FFAR4: variants seen among roughly 807,000 people sequenced by gnomAD.
FFAR4 encodes the protein G-protein coupled receptor 120.
Under a neutral mutation model 27.0 loss-of-function variants are expected in FFAR4, and 19 were observed. That is an observed-to-expected ratio of 0.70 (90% CI 0.49 to 1.03). The LOEUF is 1.03. Among genes scored for constraint, FFAR4 ranks in the 50% least tolerant of loss-of-function variants. The probability of loss-of-function intolerance (pLI) is 0.00; values close to 1 mark genes in which losing one functional copy is unlikely to be tolerated. For missense variants in FFAR4, 476 were observed against 479.0 expected (o/e 0.99, Z 0.06); for synonymous variants, 254 against 215.6 (o/e 1.18, Z -1.56).
chr10:93,575,808 A>G (rs1052620522), intron 1 of FFAR4, among the ~76,000 whole-genome samples: 2 of 152,142 alleles, frequency 1.3e-5, no homozygotes, highest in Non-Finnish European at 2.9e-5. Context: ...GAAAGACCAC[A>G]CCTAGGAACC....
At chr10:93,586,414 A>G (rs953887836) in intron 2 of FFAR4, among the ~76,000 whole-genome samples, 2 of 152,164 alleles carry the variant, frequency 1.3e-5, no homozygotes, top group Non-Finnish European at 1.5e-5. Context: ...TCTTTTCTTT[A>G]TAAATTATCC....
chr10:93,582,234 T>C (rs2058201928), intron 2 of FFAR4, among the ~76,000 whole-genome samples: 1 of 152,018 alleles, frequency 6.6e-6, no homozygotes. Context: ...AAGGAGATAG[T>C]AGCATCTCTC....
intron 1 of FFAR4, among the ~76,000 whole-genome samples, chr10:93,575,429 T>TGA (rs2058158196): frequency 6.6e-6 from 1 of 152,240 alleles, no homozygotes; most frequent in Non-Finnish European, 1.5e-5. Context: ...TACAACATAG[T>TGA]GATAGCAGCA....
intron 2 of FFAR4, 140 bp downstream of exon 2, chr10:93,576,359 T>C: frequency 1.3e-6 from 1 of 791,706 alleles, no homozygotes. Context: ...TCTACAACAC[T>C]GAGGAAGGAG....
At position 93,588,900 on chromosome 10, in the gene FFAR4, A is replaced by G. The variant is rs562224390; in HGVS notation, c.*1291A>G. 6.6e-6 allele frequency: 1 copy of G among 152,362 alleles called. No homozygotes were observed. Among genetic ancestry groups the G allele is most frequent in the South Asian group, 2.1e-4 (1 of 4,830 alleles). 9.4% of individuals were successfully genotyped at this position (152,362 alleles called of 1,614,324 possible). On this transcript the variant is annotated 3_prime_UTR_variant, in exon 3 of 3. Transcript: ENST00000371481. Reference sequence around the variant, plus strand: ...CACAGAGCGAATAAGCACTGTGAAGAAAATGGGACGGGGGCTATGGTAGTG... The same window carrying G: ...CACAGAGCGAATAAGCACTGTGAAGGAAATGGGACGGGGGCTATGGTAGTG...
intron 1 of FFAR4, among the ~76,000 whole-genome samples, chr10:93,569,773 A>T (rs1455197423): frequency 1.3e-5 from 2 of 151,780 alleles, no homozygotes; most frequent in Non-Finnish European, 2.9e-5. Context: ...AAAAAAAAAA[A>T]AATCCCTGGG....
Position 93,587,312 on chromosome 10 carries a change from C to A in FFAR4, c.789C>A (p.Phe263Leu). The A allele has an allele frequency of 6.2e-7, 1 of 1,614,144 alleles. No homozygotes were observed. Among genetic ancestry groups the A allele is most frequent in the South Asian group, 1.1e-5 (1 of 91,076 alleles). ...IRVSQQDFRL[F>L]RTLFLLMVSF... The stretch of plus-strand genomic sequence containing the variant: ...TGTCCCAGCAGGACTTCCGGCTCTT[C>A]CGCACCCTCTTCCTCCTCATGGTCT... Residue 263 changes from phenylalanine to leucine, a missense_variant, in exon 3 of 3, where the codon TTC becomes TTA. Coordinates refer to ENST00000371481, the MANE Select transcript of FFAR4 (RefSeq NM_001195755.2).
In FFAR4 at chr10:93,578,897, C is replaced by G. The variant is rs2058182152; in HGVS notation, c.696+2678C>G. ...TTTGACCTCCTTCCTGGAGGTCTCA[C>G]TCCTGAGTTCCTTAGGCGCCAAGAG... On this transcript the variant is annotated intron_variant, in intron 2 of 2. Transcript: ENST00000371481. 5.3e-5 allele frequency among the ~76,000 whole-genome samples: 8 copies of G among 152,300 alleles called. 1 individual carries two copies. The South Asian group carries it at 1.7e-3, about 32-fold the overall frequency.
intron 2 of FFAR4, among the ~76,000 whole-genome samples, chr10:93,585,377 A>G (rs1432371571): frequency 1.3e-5 from 2 of 152,218 alleles, no homozygotes; most frequent in African/African-American, 4.8e-5. Context: ...AGGGGACATA[A>G]ATGTAAAATG....
chr10:93,578,441 A>AG (rs2058178703), intron 2 of FFAR4, among the ~76,000 whole-genome samples: 1 of 144,400 alleles, frequency 6.9e-6, no homozygotes, highest in Admixed American at 6.9e-5. Context: ...AAAAAAAAAA[A>AG]CGAGAAAAAC....
chr10:93,587,523 T>G lies in FFAR4; in HGVS notation c.1000T>G (p.Phe334Val). Residue 334 changes from phenylalanine to valine, a missense_variant, in exon 3 of 3, where the codon TTT becomes GTT. Coordinates refer to ENST00000371481, the MANE Select transcript of FFAR4 (RefSeq NM_001195755.2). ...GTGCAGGAATGAGTGGAAGAAAATT[T>G]TTTGCTGCTTCTGGTTCCCAGAAAA... ...TLCRNEWKKI[F>V]CCFWFPEKGA... 1 of 1,614,030 alleles carries G rather than the reference T, an allele frequency of 6.2e-7. No homozygotes were observed. Among genetic ancestry groups the G allele is most frequent in the Non-Finnish European group, 8.5e-7 (1 of 1,180,004 alleles).
Position 93,566,696 on chromosome 10 carries a change from C to A in FFAR4, c.-25C>A, listed in dbSNP as rs375922408. 5.5e-5 allele frequency: 81 copies of A among 1,483,290 alleles called. No individual in the cohort carries two copies. In the African/African-American group the frequency reaches 8.3e-4, roughly 15 times the overall value. 91.9% of individuals were successfully genotyped at this position (1,483,290 alleles called of 1,614,324 possible). A position where few individuals can be genotyped will look rare whatever the true frequency, so the allele number is the denominator to read the frequency against. On this transcript the variant is annotated 5_prime_UTR_variant, in exon 1 of 3. Transcript: ENST00000371481. ...CTCCCAGATGAGCACTCTCTCAGAC[C>A]GCTGCGGGCCGCCAGGCGCCGGGAA...
chr10:93,574,960 G>C (rs1374557214), intron 1 of FFAR4, among the ~76,000 whole-genome samples: 2 of 152,162 alleles, frequency 1.3e-5, no homozygotes, highest in Non-Finnish European at 2.9e-5. Flanking sequence ...AGGATTTAAT[G>C]AACTTCCCCC....
chr10:93,569,291 A>C (rs2058118581), intron 1 of FFAR4, among the ~76,000 whole-genome samples: 1 of 152,112 alleles, frequency 6.6e-6, no homozygotes, highest in Non-Finnish European at 1.5e-5. Context: ...TTTTTCAGTG[A>C]TTTCAAGTAT....
chr10:93,589,246 G>A lies in FFAR4; in HGVS notation c.*1637G>A, dbSNP rs2058248545. 6.6e-6 allele frequency: 1 copy of A among 152,416 alleles called. No individual in the cohort carries two copies. The highest frequency in any genetic ancestry group is 1.5e-5 in the Non-Finnish European group (1 of 68,170). 9.4% of individuals were successfully genotyped at this position (152,416 alleles called of 1,614,324 possible). On this transcript the variant is annotated 3_prime_UTR_variant, in exon 3 of 3. Coordinates refer to ENST00000371481, the MANE Select transcript of FFAR4 (RefSeq NM_001195755.2). The stretch of plus-strand genomic sequence containing the variant: ...GTTTATTCTGTTCTCCAAGCCCCTG[G>A]AGGTTGGCAACTGGAGGCTGACGTG...
intron 1 of FFAR4, among the ~76,000 whole-genome samples, chr10:93,573,203 C>T (rs1314407457): frequency 6.6e-6 from 1 of 152,246 alleles, no homozygotes; most frequent in Admixed American, 6.5e-5. Flanking sequence ...CTCTTCCTCA[C>T]TGTGGCTTCG....
chr10:93,582,972 C>T (rs902286162), intron 2 of FFAR4, among the ~76,000 whole-genome samples: 1 of 152,034 alleles, frequency 6.6e-6, no homozygotes, highest in Admixed American at 6.5e-5. Context: ...ACAAGAACAG[C>T]GTGGGGGAAA....
chr10:93,573,294 C>T (rs1367156015), intron 1 of FFAR4, among the ~76,000 whole-genome samples: 3 of 152,232 alleles, frequency 2.0e-5, no homozygotes, highest in Non-Finnish European at 4.4e-5. Flanking sequence ...GCCAATTCTG[C>T]TTCTGTAACT....
rs751597509 is a variant in FFAR4 at position 93,567,095 on chromosome 10, C to A, written c.375C>A (p.Thr125=). Residue 125 remains threonine (T), a synonymous_variant, in exon 1 of 3, where the codon ACC becomes ACA. Coordinates refer to ENST00000371481, the MANE Select transcript of FFAR4 (RefSeq NM_001195755.2). ...FYVMTLSGSV[T]ILTLAAVSLE... ...TGATGACCCTGAGCGGCAGCGTCAC[C>A]ATCCTCACGCTGGCCGCGGTCAGCC... The A allele has an allele frequency of 6.2e-7, 1 of 1,609,732 alleles. No individual in the cohort carries two copies. The highest frequency in any genetic ancestry group is 1.1e-5 in the South Asian group (1 of 90,890).
Sources: allele counts gnomAD v4.1 joint callset (sites outside exome capture counted in the v4.1 genomes callset), GRCh38; gene constraint gnomAD v4.1.1; transcripts MANE v1.5; gene names NCBI Gene and HGNC (gene_info 2026-07-23, HGNC 2026-07-21).